HFM1: variants seen among roughly 807,000 people sequenced by gnomAD.
The protein encoded by HFM1 is probable ATP-dependent DNA helicase HFM1.
Under a neutral mutation model 192.1 loss-of-function variants are expected in HFM1, and 169 were observed. That is an observed-to-expected ratio of 0.88 (90% CI 0.78 to 1.00). HFM1 has a LOEUF of 1.00. Among genes scored for constraint, HFM1 ranks in the 50% least tolerant of loss-of-function variants. The pLI is 0.00. For missense variants in HFM1, 1,661 were observed against 1,668.0 expected, an observed-to-expected ratio of 1.00 and a Z score of 0.07; for synonymous variants, 525 against 537.8, an observed-to-expected ratio of 0.98 and a Z score of 0.33.
intron 36 of HFM1, among the ~76,000 whole-genome samples, chr1:91,264,565 G>A (rs927310030): frequency 6.7e-6 from 1 of 149,706 alleles, no homozygotes; most frequent in Non-Finnish European, 1.5e-5. Flanking sequence ...AGTAGAGACG[G>A]GGTTTCACCG....
Position 91,320,572 on chromosome 1 carries a change from A to G in HFM1, c.2583-1182T>C, listed in dbSNP as rs558092621. ...AAGACTTTTGAAGTAATATTTATTT[A>G]TATTAAAAAGCAATACTTCTAATAA... On this transcript the variant is annotated intron_variant, in intron 23 of 38. Transcript: ENST00000370425. Among the ~76,000 whole-genome samples, 35 of 152,338 alleles carry G rather than the reference A, an allele frequency of 2.3e-4. 1 individual carries two copies. The highest frequency in any genetic ancestry group is 1.5e-3 in the East Asian group (8 of 5,192).
intron 13 of HFM1, among the ~76,000 whole-genome samples, chr1:91,358,268 A>G (rs1477257672): frequency 6.6e-6 from 1 of 151,754 alleles, no homozygotes; most frequent in African/African-American, 2.4e-5. Context: ...TGGGCAACAG[A>G]GCAAGACTCC....
chr1:91,385,700 T>C lies in HFM1; in HGVS notation c.629A>G (p.Lys210Arg). The change falls in exon 5 of 39, where the codon AAG becomes AGG. Residue 210 changes from lysine to arginine, a missense_variant. Physicochemically the swap from Lys to Arg is conservative, Grantham distance 26. Transcript: ENST00000370425. ...ATTTGCAGAATACTGAAATTTTTGC[T>C]TACTATTGCTATAGTTCCTTGATTT... ...KGKSRNYSNS[K>R]QKFQYSANVF... is the part of the protein sequence containing the mutation. 6.2e-7 allele frequency: 1 copy of C among 1,612,698 alleles called. No homozygotes were observed. The highest frequency in any genetic ancestry group is 8.5e-7 in the Non-Finnish European group (1 of 1,178,780).
intron 13 of HFM1, among the ~76,000 whole-genome samples, chr1:91,364,411 C>T (rs1024307007): frequency 2.0e-5 from 3 of 151,166 alleles, no homozygotes; most frequent in Non-Finnish European, 2.9e-5. Context: ...AATGGAATTA[C>T]CATATTACCA....
intron 18 of HFM1, among the ~76,000 whole-genome samples, chr1:91,348,814 C>T (rs1394586780): frequency 6.6e-6 from 1 of 151,872 alleles, no homozygotes; most frequent in Non-Finnish European, 1.5e-5. Flanking sequence ...GTACCAGCTA[C>T]TCTGGTGGCT....
At chr1:91,329,659 G>A (rs1653508071) in intron 20 of HFM1, 2 of 620,460 alleles carry the variant, frequency 3.2e-6, no homozygotes, top group African/African-American at 1.9e-5. Context: ...AGTAGTGCTA[G>A]TCCCTTTTTT....
chr1:91,379,801 A>G (rs1436952360), intron 8 of HFM1, among the ~76,000 whole-genome samples: 1 of 152,138 alleles, frequency 6.6e-6, no homozygotes, highest in Non-Finnish European at 1.5e-5. Context: ...CATACCTAAG[A>G]AAGGAGAGTA....
chr1:91,392,879 T>TA (rs1380426517), intron 4 of HFM1, among the ~76,000 whole-genome samples: 1 of 152,110 alleles, frequency 6.6e-6, no homozygotes, highest in Admixed American at 6.6e-5. Context: ...ATAGAGATGA[T>TA]AGAGACAGAA....
At chr1:91,330,139 A>ACCAC (rs1653596328) in intron 20 of HFM1, among the ~76,000 whole-genome samples, 1 of 152,130 alleles carries the variant, frequency 6.6e-6, no homozygotes, top group African/African-American at 2.4e-5. Context: ...GAGGAGTAAG[A>ACCAC]CGGTGATGTT....
intron 30 of HFM1, among the ~76,000 whole-genome samples, chr1:91,278,643 G>A (rs559637666): frequency 3.9e-5 from 6 of 152,212 alleles, no homozygotes; most frequent in East Asian, 3.9e-4. Flanking sequence ...GTCATGGCAC[G>A]TCTAGACAGT....
rs1420987148 is a variant in HFM1, at chr1:91,261,419, C to G, written c.4239-60G>C. On this transcript the variant is annotated intron_variant, in intron 38 of 38. Coordinates refer to ENST00000370425, the MANE Select transcript of HFM1 (RefSeq NM_001017975.6). ...TTTTAACACAATTTATTTTAAAATA[C>G]ACAATAAATAATGTAATACTAAACA... The G allele has an allele frequency of 5.5e-6, 4 of 730,162 alleles. No individual in the cohort carries two copies. In the East Asian group the frequency reaches 1.3e-4, roughly 24 times the overall value. The allele number at this position is 730,162 out of a possible 1,614,324, so 45.2% of individuals were successfully genotyped here. A position where few individuals can be genotyped will look rare whatever the true frequency, so the allele number is the denominator to read the frequency against.
At chr1:91,392,328 CA>C (rs1287995974) in intron 4 of HFM1, among the ~76,000 whole-genome samples, 1 of 152,114 alleles carries the variant, frequency 6.6e-6, no homozygotes, top group African/African-American at 2.4e-5. Flanking sequence ...TTCGCAATAG[CA>C]AAGACTTGGA....
At chr1:91,318,443 C>T (rs954882704) in intron 25 of HFM1, among the ~76,000 whole-genome samples, 8 of 152,156 alleles carry the variant, frequency 5.3e-5, no homozygotes, top group Non-Finnish European at 1.0e-4. Flanking sequence ...TAGTAACTCT[C>T]TTTTTAGAAT....
In HFM1 at chr1:91,267,771, G is replaced by A; in HGVS notation, c.3857C>T (p.Thr1286Ile). The change falls in exon 35 of 39, where the codon ACT (threonine) becomes ATT (isoleucine). Residue 1286 changes from threonine to isoleucine, a missense_variant. By Grantham distance (89) the Thr-to-Ile change is moderately conservative. Transcript: ENST00000370425. ...DENLEVTSFS[T>I]DTEKTKISGF... The stretch of plus-strand genomic sequence containing the variant: ...TGATATTTTTGTCTTCTCAGTATCA[G>A]TTGAAAAGCTAGTAACTTCTAAGTT... 6.5e-7 allele frequency: 1 copy of A among 1,547,988 alleles called. No individual in the cohort carries two copies. The highest frequency in any genetic ancestry group is 8.8e-7 in the Non-Finnish European group (1 of 1,140,814).
rs72968502 is a variant in HFM1 at position 91,333,660 on chromosome 1, G to A, written c.2336-8894C>T. 2.5e-3 allele frequency among the ~76,000 whole-genome samples: 384 copies of A among 152,212 alleles called. 3 individuals carry two copies. The highest frequency in any genetic ancestry group is 8.6e-3 in the African/African-American group (357 of 41,516). On this transcript the variant is annotated intron_variant, in intron 20 of 38. Transcript: ENST00000370425. ...AACACAAAGGATAAATACTTGAGGG[G>A]ATGGATTTTCCATGATATCATTATA...
intron 30 of HFM1, among the ~76,000 whole-genome samples, chr1:91,280,307 G>C (rs188469064): frequency 3.5e-4 from 54 of 152,260 alleles, no homozygotes; most frequent in Admixed American, 3.5e-3. Context: ...CTATGACAAG[G>C]AAAAGCATGG....
chr1:91,341,428 T>C (rs769914997), intron 20 of HFM1, among the ~76,000 whole-genome samples: 9 of 152,140 alleles, frequency 5.9e-5, no homozygotes, highest in Non-Finnish European at 1.0e-4. Flanking sequence ...GATATACAGG[T>C]AAAACAATGT....
At chr1:91,272,216 C>A (rs1202446053) in intron 34 of HFM1, among the ~76,000 whole-genome samples, 1 of 152,082 alleles carries the variant, frequency 6.6e-6, no homozygotes, top group Non-Finnish European at 1.5e-5. Flanking sequence ...TGCATTATCT[C>A]ATTTAATCCT....
chr1:91,367,697 C>G (rs1368489510), intron 13 of HFM1, among the ~76,000 whole-genome samples: 1 of 152,128 alleles, frequency 6.6e-6, no homozygotes, highest in East Asian at 1.9e-4. Flanking sequence ...ATCAGAGTGC[C>G]TATCCTCCTC....
Sources: allele counts gnomAD v4.1 joint callset (sites outside exome capture counted in the v4.1 genomes callset), GRCh38; gene constraint gnomAD v4.1.1; transcripts MANE v1.5; gene names NCBI Gene and HGNC (gene_info 2026-07-23, HGNC 2026-07-21).